RFX4: variants seen among roughly 807,000 people sequenced by gnomAD.
The protein encoded by RFX4 is transcription factor RFX4.
Under a neutral mutation model 95.0 loss-of-function variants are expected in RFX4, and 10 were observed. The ratio of observed to expected loss-of-function variants is 0.11; its 90% CI spans 0.06 to 0.18. RFX4 has a LOEUF of 0.18. Among genes scored for constraint, RFX4 ranks in the 10% least tolerant of loss-of-function variants. The probability of loss-of-function intolerance (pLI) is 1.00; values close to 1 mark genes in which losing one functional copy is unlikely to be tolerated. For synonymous variants in RFX4, 321 were observed against 340.7 expected (o/e 0.94, Z 0.64); for missense variants, 640 against 922.0 (o/e 0.69, Z 3.96).
chr12:106,703,521 C>G (rs1164960548), intron 8 of RFX4, among the ~76,000 whole-genome samples: 2 of 152,198 alleles, frequency 1.3e-5, no homozygotes, highest in African/African-American at 2.4e-5. Flanking sequence ...AGTCACTGAT[C>G]AAGTGAACGG....
chr12:106,725,328 G>C (rs1043681522), intron 13 of RFX4, among the ~76,000 whole-genome samples: 1 of 152,122 alleles, frequency 6.6e-6, no homozygotes, highest in Non-Finnish European at 1.5e-5. Flanking sequence ...ATTGTTAATG[G>C]ACGGCACATC....
rs2043223271 is a variant in RFX4, at chr12:106,762,563, T to C, written c.*1094T>C. On this transcript the variant is annotated 3_prime_UTR_variant, in exon 18 of 18. Coordinates refer to ENST00000392842, the MANE Select transcript of RFX4 (RefSeq NM_213594.3). ...ATTTGTGAGGTTTGTTAGAGATTAA[T>C]ATAGGTTTTCTTTCTGTATTATAAA... 1 of 152,594 alleles carries C rather than the reference T, an allele frequency of 6.6e-6. No homozygotes were observed. The highest frequency in any genetic ancestry group is 2.4e-5 in the African/African-American group (1 of 41,430). The allele number at this position is 152,594 out of a possible 1,614,324, so 9.5% of individuals were successfully genotyped here.
chr12:106,591,261 C>CTTTTTTTTTTTTTTTTTTTTTTTTTT lies in RFX4; in HGVS notation c.43+7898_43+7899insTTTTTTTTTTTTTTTTTTTTTTTTTT, dbSNP rs1565942195. On this transcript the variant is annotated intron_variant, in intron 1 of 17. Transcript: ENST00000392842. ...CCTATATGAAAGTGTTAAAATAGTC[C>CTTTTTTTTTTTTTTTTTTTTTTTTTT]CTTTTTTTTTTTTTTTTTTTTTTTT... 3.0e-5 allele frequency among the ~76,000 whole-genome samples: 2 copies of CTTTTTTTTTTTTTTTTTTTTTTTTTT among 66,466 alleles called. 1 individual carries two copies. The allele number at this position is 66,466 out of a possible 152,430, so 43.6% of individuals were successfully genotyped here.
At chr12:106,738,620 C>A (rs1191513478) in intron 15 of RFX4, among the ~76,000 whole-genome samples, 2 of 152,202 alleles carry the variant, frequency 1.3e-5, no homozygotes, top group African/African-American at 4.8e-5. Flanking sequence ...CACATTCCAG[C>A]TTTGTTCTCA....
intron 2 of RFX4, among the ~76,000 whole-genome samples, chr12:106,626,080 TC>T (rs2040293059): frequency 6.6e-6 from 1 of 152,182 alleles, no homozygotes; most frequent in African/African-American, 2.4e-5. Flanking sequence ...GTGATTGACT[TC>T]ATTCAAATGA....
intron 2 of RFX4, among the ~76,000 whole-genome samples, chr12:106,611,458 G>A (rs1224653698): frequency 2.7e-5 from 4 of 149,600 alleles, no homozygotes; most frequent in Admixed American, 6.7e-5. Context: ...ATTTAGATTC[G>A]TGATCTGTTT....
chr12:106,608,406 T>G (rs943597154), intron 1 of RFX4, among the ~76,000 whole-genome samples: 4 of 152,210 alleles, frequency 2.6e-5, no homozygotes, highest in African/African-American at 9.6e-5. Flanking sequence ...AATTCACAAG[T>G]TTACAAATCA....
intron 17 of RFX4, among the ~76,000 whole-genome samples, chr12:106,759,138 T>A (rs933141500): frequency 1.3e-5 from 2 of 151,224 alleles, no homozygotes; most frequent in Non-Finnish European, 3.0e-5. Context: ...CAGGCTGGGG[T>A]GTTTAGGTTC....
chr12:106,633,313 G>A (rs2040453002), intron 2 of RFX4, among the ~76,000 whole-genome samples: 1 of 152,166 alleles, frequency 6.6e-6, no homozygotes, highest in Non-Finnish European at 1.5e-5. Flanking sequence ...GTGAGGTCCT[G>A]TTTCCATTCA....
At chr12:106,598,433 C>T (rs563880516) in intron 1 of RFX4, among the ~76,000 whole-genome samples, 4 of 151,954 alleles carry the variant, frequency 2.6e-5, no homozygotes, top group South Asian at 2.1e-4. Flanking sequence ...AGTTCTCTTA[C>T]GTGCACTTAT....
chr12:106,628,852 G>A (rs2040358792), intron 2 of RFX4, among the ~76,000 whole-genome samples: 1 of 147,748 alleles, frequency 6.8e-6, no homozygotes, highest in Non-Finnish European at 1.5e-5. Context: ...CTCTACCTCT[G>A]AGGTTCAAGT....
intron 13 of RFX4, among the ~76,000 whole-genome samples, chr12:106,726,324 C>G (rs1338207274): frequency 6.6e-6 from 1 of 151,774 alleles, no homozygotes; most frequent in Non-Finnish European, 1.5e-5. Flanking sequence ...TTTAGGACAT[C>G]CTGGCCCAGC....
chr12:106,673,228 C>T (rs934136870), intron 4 of RFX4, among the ~76,000 whole-genome samples: 20 of 152,272 alleles, frequency 1.3e-4, no homozygotes, highest in South Asian at 4.1e-4. Context: ...AACTAGAGGA[C>T]GAGTCACTAG....
chr12:106,594,555 G>A (rs1351103816), intron 1 of RFX4, among the ~76,000 whole-genome samples: 1 of 152,192 alleles, frequency 6.6e-6, no homozygotes, highest in Non-Finnish European at 1.5e-5. Flanking sequence ...AGGCTGCGGG[G>A]CATTCTCGCC....
At chr12:106,726,950 T>G (rs1440206559) in intron 13 of RFX4, among the ~76,000 whole-genome samples, 7 of 152,122 alleles carry the variant, frequency 4.6e-5, no homozygotes, top group Non-Finnish European at 1.0e-4. Context: ...TTTTGTATTT[T>G]TAGTAGAGAG....
rs758952093 is a variant in RFX4 at position 106,687,001 on chromosome 12, AGTG to A, written c.497_499del (p.Val166del). On this transcript the variant is annotated inframe_deletion, in exon 6 of 18. Coordinates refer to ENST00000392842, the MANE Select transcript of RFX4 (RefSeq NM_213594.3). Reference sequence around the variant, plus strand: ...GCAAGAAAGAAGTGAGCAAACAGACAGTGGCATATTCACCCCGGTCCAAACTCG... The same window carrying A: ...GCAAGAAAGAAGTGAGCAAACAGACAGCATATTCACCCCGGTCCAAACTCG... The A allele has an allele frequency of 1.1e-5, 18 of 1,614,010 alleles. No individual in the cohort carries two copies. The highest frequency in any genetic ancestry group is 1.5e-5 in the Non-Finnish European group (18 of 1,180,022).
chr12:106,686,839 CTTTT>C (rs56287989), intron 5 of RFX4, 41 bp from the exon 6 acceptor site: 169 of 1,395,014 alleles, frequency 1.2e-4, no homozygotes, highest in African/African-American at 3.6e-4. Flanking sequence ...GGGTCTCTCT[CTTTT>C]TTTTTTTTTC....
chr12:106,628,120 C>G (rs372401683), intron 2 of RFX4, among the ~76,000 whole-genome samples: 2 of 152,174 alleles, frequency 1.3e-5, no homozygotes, highest in African/African-American at 4.8e-5. Flanking sequence ...CCTTCCTCAC[C>G]TCCATGCCCA....
At chr12:106,600,947 C>CT (rs1341660794) in intron 1 of RFX4, among the ~76,000 whole-genome samples, 5 of 152,372 alleles carry the variant, frequency 3.3e-5, no homozygotes, top group Admixed American at 6.5e-5. Flanking sequence ...TAATTTGTCT[C>CT]TGTCTCCGCC....
Sources: gnomAD v4.1 joint callset for allele counts (sites outside exome capture counted in the v4.1 genomes callset) on GRCh38, gnomAD v4.1.1 for gene constraint, MANE v1.5 for transcripts, NCBI Gene and HGNC (gene_info 2026-07-23, HGNC 2026-07-21) for gene names.